FREM2: variants seen among roughly 807,000 people sequenced by gnomAD.
FREM2 encodes FRAS1-related extracellular matrix protein 2.
In FREM2, 119 loss-of-function variants were observed where a neutral mutation model predicts 219.9. The ratio of observed to expected loss-of-function variants is 0.54; its 90% confidence interval spans 0.47 to 0.63. The LOEUF (loss-of-function observed/expected upper bound fraction) is 0.63. FREM2 is among the 30% of genes least tolerant of loss of function. FREM2 has a pLI of 0.00. For synonymous variants in FREM2, 1,562 were observed against 1,522.8 expected, an observed-to-expected ratio of 1.03 and a Z score of -0.60; for missense variants, 4,030 against 3,993.6, an observed-to-expected ratio of 1.01 and a Z score of -0.25.
intron 4 of FREM2, among the ~76,000 whole-genome samples, chr13:38,779,215 T>G (rs986782820): frequency 8.2e-5 from 12 of 146,476 alleles, no homozygotes; most frequent in East Asian, 2.0e-4. Context: ...CAACACACAC[T>G]GGGGCTTGTC....
chr13:38,756,524 C>CTTTT (rs1187227144), intron 2 of FREM2, among the ~76,000 whole-genome samples: 1 of 103,522 alleles, frequency 9.7e-6, no homozygotes, highest in Admixed American at 1.1e-4. Context: ...GGTTGGGGAC[C>CTTTT]TTTTTTTTTT....
chr13:38,768,713 A>G lies in FREM2; in HGVS notation c.5411-865A>G, dbSNP rs548883680. On this transcript the variant is annotated intron_variant, in intron 3 of 23. Transcript: ENST00000280481. ...TCTGGTTCTGTATTTAAGGATATAG[A>G]AGTCCAAGTACCATTGCCGTTTTAT... is the stretch of plus-strand genomic sequence containing the variant. Among the ~76,000 whole-genome samples, 9 of 152,340 alleles carry G rather than the reference A, an allele frequency of 5.9e-5. No individual in the cohort carries two copies. The South Asian group carries it at 1.9e-3, about 32-fold the overall frequency.
At position 38,691,130 on chromosome 13, in the gene FREM2, C is replaced by T. The variant is rs1235860606; in HGVS notation, c.3786C>T (p.Ser1262=). The T allele has an allele frequency of 6.2e-7, 1 of 1,613,966 alleles. No homozygotes were observed. Among genetic ancestry groups the T allele is most frequent in the Non-Finnish European group, 8.5e-7 (1 of 1,179,970 alleles). ...TGGATCAGATCATAGAGAGTTCCAG[C>T]ATTATTTATGAGCATGATGACTCCG... ...FTLDQIIESS[S]IIYEHDDSET... The change falls in exon 1 of 24, where the codon AGC becomes AGT. Residue 1262 remains serine (S), a synonymous_variant. Coordinates refer to ENST00000280481, the MANE Select transcript of FREM2 (RefSeq NM_207361.6).
chr13:38,863,289 A>G (rs1877830540), intron 15 of FREM2, among the ~76,000 whole-genome samples: 1 of 152,146 alleles, frequency 6.6e-6, no homozygotes. Context: ...ACCTCAAGTG[A>G]TCCACCTGCC....
chr13:38,865,142 T>C (rs1877915520), intron 16 of FREM2, among the ~76,000 whole-genome samples: 1 of 152,242 alleles, frequency 6.6e-6, no homozygotes, highest in Non-Finnish European at 1.5e-5. Context: ...TCTTCGCTTT[T>C]TGATTCATTT....
At chr13:38,765,733 T>C (rs1359771895) in intron 3 of FREM2, among the ~76,000 whole-genome samples, 4 of 152,248 alleles carry the variant, frequency 2.6e-5, no homozygotes, top group Admixed American at 2.6e-4. Context: ...CCTTTTAACT[T>C]TAGAAGACCA....
chr13:38,783,131 C>G lies in FREM2; in HGVS notation c.5703C>G (p.Phe1901Leu). 6.2e-7 allele frequency: 1 copy of G among 1,613,876 alleles called. No individual in the cohort carries two copies. The highest frequency in any genetic ancestry group is 8.5e-7 in the Non-Finnish European group (1 of 1,179,826). ...TTGAAGAAGATGTTGGTGAGCTGTT[C>G]ATTCCCATCAGGAGGAGCGGAGATG... ...YSVEEDVGELFIPIRRSGDVS... is the reference protein window; with the variant it reads ...YSVEEDVGELLIPIRRSGDVS... The change falls in exon 5 of 24, where the codon TTC becomes TTG. Residue 1901 changes from phenylalanine to leucine, a missense_variant. Physicochemically the swap from Phe to Leu is conservative, Grantham distance 22. This residue lies in a region of FREM2 where 3,102 missense variants were observed against 2,950.7 expected (regional missense o/e 1.05). Transcript: ENST00000280481.
At chr13:38,873,522 G>A (rs531659063) in intron 17 of FREM2, among the ~76,000 whole-genome samples, 18 of 152,236 alleles carry the variant, frequency 1.2e-4, no homozygotes, top group South Asian at 2.1e-4. Flanking sequence ...GAATGTCTGC[G>A]AACTCGGATT....
chr13:38,848,874 C>T (rs1160370293), intron 8 of FREM2, among the ~76,000 whole-genome samples: 1 of 152,118 alleles, frequency 6.6e-6, no homozygotes, highest in Non-Finnish European at 1.5e-5. Flanking sequence ...AAGGTGTTGG[C>T]AGGCTCGCTT....
intron 16 of FREM2, among the ~76,000 whole-genome samples, chr13:38,868,385 C>G (rs1351437663): frequency 6.6e-6 from 1 of 152,224 alleles, no homozygotes; most frequent in Non-Finnish European, 1.5e-5. Context: ...ATTCTAGCCT[C>G]ACAACAACCC....
intron 2 of FREM2, among the ~76,000 whole-genome samples, chr13:38,748,928 CAT>C (rs1403297657): frequency 1.3e-5 from 2 of 152,072 alleles, no homozygotes; most frequent in Non-Finnish European, 2.9e-5. Context: ...TGTGCAGGTA[CAT>C]GTGTGTGTAC....
At chr13:38,785,530 T>A (rs918665017) in intron 6 of FREM2, among the ~76,000 whole-genome samples, 6 of 152,188 alleles carry the variant, frequency 3.9e-5, no homozygotes, top group African/African-American at 1.4e-4. Flanking sequence ...CCCTTGAAAT[T>A]TTCCTCCTGG....
intron 1 of FREM2, 70 bp from the exon 2 acceptor site, chr13:38,697,627 TA>T (rs1566108189): frequency 1.1e-6 from 1 of 904,612 alleles, no homozygotes. Flanking sequence ...TAATAGCCAA[TA>T]AAATTTACCA....
At chr13:38,874,871 A>T (rs1566175123) in intron 18 of FREM2, among the ~76,000 whole-genome samples, 1 of 152,234 alleles carries the variant, frequency 6.6e-6, no homozygotes, top group African/African-American at 2.4e-5. Context: ...CTTAAAGAGC[A>T]TAGGAATAAT....
At chr13:38,822,347 CT>C (rs951562767) in intron 6 of FREM2, among the ~76,000 whole-genome samples, 7,496 of 100,020 alleles carry the variant, frequency 0.075, 547 homozygotes, top group African/African-American at 0.21. Flanking sequence ...TTCTTTCTTT[CT>C]TTTTTTTTTT....
rs764791460 is a variant in FREM2 at position 38,691,810 on chromosome 13, G to A, written c.4466G>A (p.Gly1489Glu). 9 of 1,614,100 alleles carry A rather than the reference G, an allele frequency of 5.6e-6. No individual in the cohort carries two copies. The highest frequency in any genetic ancestry group is 7.6e-6 in the Non-Finnish European group (9 of 1,180,040). The change falls in exon 1 of 24, where the codon GGA becomes GAA. Residue 1489 changes from glycine to glutamate, a missense_variant. Coordinates refer to ENST00000280481, the MANE Select transcript of FREM2 (RefSeq NM_207361.6). ...ITSFTQLQLA[G>E]NKIYYIHTAD... ...TCTTTCACTCAGCTGCAACTGGCTG[G>A]AAACAAAATCTACTACATCCACACA...
At chr13:38,707,455 G>A (rs1870586926) in intron 2 of FREM2, among the ~76,000 whole-genome samples, 1 of 152,152 alleles carries the variant, frequency 6.6e-6, no homozygotes, top group African/African-American at 2.4e-5. Flanking sequence ...TTTGATGAAG[G>A]AAGTGAGGAC....
At chr13:38,796,327 A>G (rs527446364) in intron 6 of FREM2, among the ~76,000 whole-genome samples, 9 of 152,314 alleles carry the variant, frequency 5.9e-5, no homozygotes, top group African/African-American at 2.2e-4. Context: ...TTTACAGTCA[A>G]TGTTCTGGTA....
At chr13:38,864,661 T>C (rs893391379) in intron 16 of FREM2, 55 bp downstream of exon 16, 1 of 1,494,208 alleles carries the variant, frequency 6.7e-7, no homozygotes, top group African/African-American at 1.4e-5. Flanking sequence ...TGGTTTGTTT[T>C]GTCACATAGA....
Sources: gnomAD v4.1 joint callset for allele counts (sites outside exome capture counted in the v4.1 genomes callset) on GRCh38, gnomAD v4.1.1 for gene constraint, gnomAD v4.1.1 regional missense constraint, MANE v1.5 for transcripts, NCBI Gene and HGNC (gene_info 2026-07-23, HGNC 2026-07-21) for gene names.